The following SOX6 variants were observed in gnomAD, a reference collection of about 807,000 sequenced individuals.
SOX6 encodes the protein transcription factor SOX-6.
Under a neutral mutation model 97.8 loss-of-function variants are expected in SOX6, and 11 were observed. The observed-to-expected ratio is 0.11, with a 90% confidence interval of 0.07 to 0.19. SOX6 has a LOEUF of 0.19. Ranked by LOEUF, SOX6 falls within the 10% of genes least tolerant of loss-of-function variation. SOX6 has a pLI of 1.00. For missense variants in SOX6, 810 were observed against 1,039.5 expected, an observed-to-expected ratio of 0.78 and a Z score of 3.04; for synonymous variants, 360 against 371.4, an observed-to-expected ratio of 0.97 and a Z score of 0.35.
intron 6 of SOX6, among the ~76,000 whole-genome samples, chr11:16,158,717 T>C (rs946241865): frequency 2.0e-5 from 3 of 152,100 alleles, no homozygotes; most frequent in Non-Finnish European, 4.4e-5. Flanking sequence ...GAATGTGATA[T>C]GGGAATTGAT....
intron 3 of SOX6, among the ~76,000 whole-genome samples, chr11:16,308,414 A>G (rs183094286): frequency 1.3e-4 from 20 of 152,302 alleles, no homozygotes; most frequent in African/African-American, 4.3e-4. Context: ...AAATTAAGAA[A>G]CTAGTGCTTA....
At chr11:16,614,990 G>A (rs1276881811) in intron 3 of SOX6, among the ~76,000 whole-genome samples, 1 of 152,050 alleles carries the variant, frequency 6.6e-6, no homozygotes, top group East Asian at 1.9e-4. Flanking sequence ...ACAGCAACCC[G>A]ATGCTAATGG....
chr11:16,606,439 C>T (rs369129946), intron 4 of SOX6, among the ~76,000 whole-genome samples: 11 of 152,266 alleles, frequency 7.2e-5, no homozygotes, highest in African/African-American at 2.6e-4. Flanking sequence ...CCTTCAAAGC[C>T]GACACGCATT....
chr11:16,516,538 T>C (rs1211333917), intron 4 of SOX6, among the ~76,000 whole-genome samples: 1 of 152,074 alleles, frequency 6.6e-6, no homozygotes, highest in Non-Finnish European at 1.5e-5. Flanking sequence ...CATCAGAGAA[T>C]ACTACAAACA....
upstream of SOX6, among the ~76,000 whole-genome samples, chr11:16,360,466 A>G (rs1857183072): frequency 6.6e-6 from 1 of 152,184 alleles, no homozygotes; most frequent in Non-Finnish European, 1.5e-5. Flanking sequence ...TTGGATCAAA[A>G]TAGATATGTA....
intron 1 of SOX6, among the ~76,000 whole-genome samples, chr11:16,439,684 A>G (rs571807061): frequency 6.6e-6 from 1 of 152,304 alleles, no homozygotes; most frequent in East Asian, 1.9e-4. Flanking sequence ...ATAAAATTTT[A>G]TTCACAAACT....
chr11:16,514,807 T>A (rs1220125724), intron 4 of SOX6, among the ~76,000 whole-genome samples: 1 of 151,590 alleles, frequency 6.6e-6, no homozygotes, highest in Admixed American at 6.6e-5. Flanking sequence ...TTTGGCTTTT[T>A]GTGCTTGCGA....
chr11:16,425,861 A>T (rs956618446), intron 1 of SOX6, among the ~76,000 whole-genome samples: 4 of 152,182 alleles, frequency 2.6e-5, no homozygotes, highest in African/African-American at 9.7e-5. Flanking sequence ...GATAGGAAGA[A>T]TGAATATTAC....
intron 1 of SOX6, among the ~76,000 whole-genome samples, chr11:16,347,271 A>C (rs934238498): frequency 1.3e-5 from 2 of 152,106 alleles, no homozygotes; most frequent in African/African-American, 4.8e-5. Context: ...GACTTCATGT[A>C]ACCTCTATCT....
intron 6 of SOX6, among the ~76,000 whole-genome samples, chr11:16,138,543 ATTTTTTTT>A (rs1850037177): frequency 6.6e-6 from 1 of 151,074 alleles, no homozygotes. Context: ...TTATTTTTTT[ATTTTTTTT>A]ATTTTATTAT....
intron 4 of SOX6, among the ~76,000 whole-genome samples, chr11:16,562,327 G>C (rs1003321921): frequency 2.6e-5 from 4 of 152,064 alleles, no homozygotes; most frequent in African/African-American, 7.2e-5. Flanking sequence ...AATTTCCTAG[G>C]TTTTCTTTTC....
intron 6 of SOX6, among the ~76,000 whole-genome samples, chr11:16,151,431 A>T (rs1480815672): frequency 6.6e-6 from 1 of 152,230 alleles, no homozygotes; most frequent in African/African-American, 2.4e-5. Context: ...CTAATAGTTC[A>T]TACCATTCAC....
chr11:16,214,110 C>T (rs535735747), intron 4 of SOX6, among the ~76,000 whole-genome samples: 18 of 152,230 alleles, frequency 1.2e-4, no homozygotes, highest in African/African-American at 4.3e-4. Flanking sequence ...TAAAATGCAG[C>T]CAATGTTACT....
intron 6 of SOX6, among the ~76,000 whole-genome samples, chr11:16,177,621 A>ATCTCTCTCTCTC (rs71044087): frequency 0.023 from 3,385 of 145,728 alleles, 52 homozygotes; most frequent in East Asian, 0.05. Flanking sequence ...GAATAAGATG[A>ATCTCTCTCTCTC]TCTCTCTCTC....
intron 4 of SOX6, among the ~76,000 whole-genome samples, chr11:16,485,044 A>G (rs756496988): frequency 1.3e-5 from 2 of 152,168 alleles, no homozygotes; most frequent in Admixed American, 6.5e-5. Context: ...ACTTTAATAA[A>G]TTATATGGTC....
At chr11:16,238,609 C>T (rs545675900) in intron 3 of SOX6, among the ~76,000 whole-genome samples, 62 of 151,952 alleles carry the variant, frequency 4.1e-4, no homozygotes, top group African/African-American at 1.4e-3. Flanking sequence ...CCACACTGTA[C>T]AAAATAAAGG....
intron 3 of SOX6, among the ~76,000 whole-genome samples, chr11:16,612,689 C>G (rs1488252036): frequency 1.3e-5 from 2 of 152,070 alleles, no homozygotes; most frequent in African/African-American, 4.8e-5. Context: ...GGCACAGACA[C>G]GAACTAAGAC....
chr11:16,652,555 G>T (rs1014960990), intron 3 of SOX6, among the ~76,000 whole-genome samples: 7 of 152,130 alleles, frequency 4.6e-5, no homozygotes, highest in African/African-American at 1.7e-4. Context: ...TAATTGGTAA[G>T]CCACATGTAG....
chr11:16,314,553 T>C (rs1855706910), intron 3 of SOX6: 1 of 152,196 alleles, frequency 6.6e-6, no homozygotes, highest in South Asian at 2.1e-4. Flanking sequence ...TCATTATGGG[T>C]GTACCATATC....
Sources: gnomAD v4.1 joint callset for allele counts (sites outside exome capture counted in the v4.1 genomes callset) on GRCh38, gnomAD v4.1.1 for gene constraint, MANE v1.5 for transcripts, NCBI Gene and HGNC (gene_info 2026-07-23, HGNC 2026-07-21) for gene names.